Variants in NUDCD3 observed in about 807,000 individuals in gnomAD.
The protein encoded by NUDCD3 is NudC domain containing 3.
NUDCD3 carries 13 observed loss-of-function variants against 39.7 expected under a neutral mutation model. The ratio of observed to expected loss-of-function variants is 0.33; its 90% CI spans 0.21 to 0.52. NUDCD3 has a LOEUF of 0.52. Ranked by LOEUF, NUDCD3 falls within the 20% of genes least tolerant of loss-of-function variation. The pLI is 0.96. For synonymous variants in NUDCD3, 175 were observed against 172.4 expected, an observed-to-expected ratio of 1.02 and a Z score of -0.12; for missense variants, 453 against 458.1, an observed-to-expected ratio of 0.99 and a Z score of 0.10.
chr7:44,455,425 T>A (rs895901216), intron 2 of NUDCD3, among the ~76,000 whole-genome samples: 2 of 151,988 alleles, frequency 1.3e-5, no homozygotes, highest in African/African-American at 4.8e-5. Context: ...TCACTGCACA[T>A]CTCCCAGCTC....
Position 44,392,379 on chromosome 7 carries a change from T to C in NUDCD3, c.893A>G (p.Asp298Gly), listed in dbSNP as rs149687229. The C allele has an allele frequency of 6.2e-4, 1,005 of 1,614,164 alleles. 1 individual carries two copies. The highest frequency in any genetic ancestry group is 7.9e-4 in the Non-Finnish European group (938 of 1,180,016). ...INKERSMATV[D>G]EEEQAVLDRL... is the part of the protein sequence containing the mutation. Reference sequence around the variant, plus strand: ...GTCCAACACCGCCTGTTCCTCCTCATCCACGGTGGCCATGGAGCGCTCCTT... The same window carrying C: ...GTCCAACACCGCCTGTTCCTCCTCACCCACGGTGGCCATGGAGCGCTCCTT... The change falls in exon 5 of 6, where the codon GAT becomes GGT. Residue 298 changes from aspartate (D) to glycine (G), a missense_variant. Physicochemically the swap from Asp to Gly is moderately conservative, Grantham distance 94. Transcript: ENST00000355451.
intron 2 of NUDCD3, among the ~76,000 whole-genome samples, chr7:44,462,977 GTGTGTGTGTGTGTA>G (rs1473383448): frequency 1.1e-4 from 17 of 151,428 alleles, no homozygotes; most frequent in African/African-American, 3.7e-4. Context: ...GTGTGTGTGT[GTGTGTGTGTGTGTA>G]TACACAAAGA....
chr7:44,484,209 C>G lies in NUDCD3; in HGVS notation c.509+759G>C, dbSNP rs572188061. 7.2e-5 allele frequency among the ~76,000 whole-genome samples: 11 copies of G among 152,308 alleles called. No individual in the cohort carries two copies. The East Asian group carries it at 2.1e-3, about 29-fold the overall frequency. On this transcript the variant is annotated intron_variant, in intron 2 of 5. Transcript: ENST00000355451. ...GAGGCTCGTGGCTGTCTTGCAGACA[C>G]TACTACAACTCCCACACAAGAAGGG...
intron 1 of NUDCD3, among the ~76,000 whole-genome samples, chr7:44,487,602 G>A (rs1164395262): frequency 6.6e-6 from 1 of 152,094 alleles, no homozygotes; most frequent in Non-Finnish European, 1.5e-5. Context: ...TAAAACCCTT[G>A]TCAATACTGA....
intron 3 of NUDCD3, among the ~76,000 whole-genome samples, chr7:44,416,276 A>T (rs956855267): frequency 6.6e-6 from 1 of 151,940 alleles, no homozygotes; most frequent in Non-Finnish European, 1.5e-5. Flanking sequence ...TTTTGTAGAG[A>T]TGGGCTTTCA....
At chr7:44,386,980 C>T (rs976053323) in intron 5 of NUDCD3, among the ~76,000 whole-genome samples, 4 of 152,076 alleles carry the variant, frequency 2.6e-5, no homozygotes, top group African/African-American at 9.7e-5. Flanking sequence ...TCCTTCTAAC[C>T]TTCTGACCAC....
intron 3 of NUDCD3, among the ~76,000 whole-genome samples, chr7:44,421,996 G>A (rs767402825): frequency 4.6e-5 from 7 of 152,048 alleles, no homozygotes; most frequent in Non-Finnish European, 7.4e-5. Context: ...ACTCAAAACC[G>A]CACAACTACA....
chr7:44,394,455 TTCCAAGAGGGA>T (rs570762542), intron 4 of NUDCD3, among the ~76,000 whole-genome samples: 144 of 152,280 alleles, frequency 9.5e-4, no homozygotes, highest in Non-Finnish European at 2.0e-3. Flanking sequence ...AATGAAAACC[TTCCAAGAGGGA>T]AATGCATTGT....
chr7:44,444,643 G>A lies in NUDCD3; in HGVS notation c.510-16940C>T, dbSNP rs181701283. On this transcript the variant is annotated intron_variant, in intron 2 of 5. Transcript: ENST00000355451. ...CCCCAACTTTAACGTTAATTAGCACGCACCCACTATCAGTAATGCTGAGTC... is the reference window on the plus strand; with the variant it reads ...CCCCAACTTTAACGTTAATTAGCACACACCCACTATCAGTAATGCTGAGTC... Among the ~76,000 whole-genome samples, 15 of 152,176 alleles carry A rather than the reference G, an allele frequency of 9.9e-5. No homozygotes were observed. In the South Asian group the frequency reaches 2.3e-3, roughly 23 times the overall value.
intron 2 of NUDCD3, among the ~76,000 whole-genome samples, chr7:44,474,336 A>G (rs113945888): frequency 0.041 from 6,249 of 152,310 alleles, 190 homozygotes; most frequent in Non-Finnish European, 0.058. Flanking sequence ...TAACACATCA[A>G]TGCAAATAAA....
rs1799262828 is a variant in NUDCD3 at position 44,427,599 on chromosome 7, A to G, written c.614T>C (p.Val205Ala). Residue 205 changes from valine (V) to alanine (A), a missense_variant, in exon 3 of 6, where the codon GTA becomes GCA. By Grantham distance (64) the Val-to-Ala change is moderately conservative. Transcript: ENST00000355451. ...DYTDLEVRVPVPKHVVKGKQV... is the reference protein window; with the variant it reads ...DYTDLEVRVPAPKHVVKGKQV... ...CTTTCCCTTCACCACGTGCTTGGGT[A>G]CTGGCACCCTGACCTCCAGGTCAGT... The G allele has an allele frequency of 6.2e-7, 1 of 1,613,458 alleles. No individual in the cohort carries two copies. Among genetic ancestry groups the G allele is most frequent in the Non-Finnish European group, 8.5e-7 (1 of 1,179,692 alleles).
chr7:44,439,112 G>A (rs1392490234), intron 2 of NUDCD3, among the ~76,000 whole-genome samples: 1 of 152,192 alleles, frequency 6.6e-6, no homozygotes, highest in Non-Finnish European at 1.5e-5. Flanking sequence ...GCACTGAGCA[G>A]TGAGAGCGGG....
Position 44,386,131 on chromosome 7 carries a change from G to A in NUDCD3, c.976-10C>T. On this transcript the variant is annotated splice_polypyrimidine_tract_variant and intron_variant, in intron 5 of 5. Coordinates refer to ENST00000355451, the MANE Select transcript of NUDCD3 (RefSeq NM_015332.4). ...GCATCTCATGGACTTTCTACAAACA[G>A]AAAATAGAGAGATTAAAGGGGATCA... 1.2e-6 allele frequency: 2 copies of A among 1,613,970 alleles called. No homozygotes were observed. Among genetic ancestry groups the A allele is most frequent in the South Asian group, 2.2e-5 (2 of 91,072 alleles).
chr7:44,485,400 T>C (rs938632329), intron 1 of NUDCD3, 116 bp from the exon 2 acceptor site: 2 of 897,702 alleles, frequency 2.2e-6, no homozygotes, highest in Non-Finnish European at 3.3e-6. Flanking sequence ...AACTGACAAG[T>C]TTTCCCACTG....
chr7:44,422,796 A>G (rs1283967165), intron 3 of NUDCD3, among the ~76,000 whole-genome samples: 1 of 152,212 alleles, frequency 6.6e-6, no homozygotes, highest in Non-Finnish European at 1.5e-5. Context: ...TCATTTTATG[A>G]GGCCAGCATC....
chr7:44,456,025 C>CAAAAAAAA (rs1233592095), intron 2 of NUDCD3, among the ~76,000 whole-genome samples: 290 of 27,920 alleles, frequency 0.01, no homozygotes, highest in East Asian at 0.024. Context: ...GACTCCGTCT[C>CAAAAAAAA]AAAAAAAAAA....
chr7:44,490,076 T>G (rs1800699825), intron 1 of NUDCD3: 1 of 228,308 alleles, frequency 4.4e-6, no homozygotes, highest in Non-Finnish European at 8.6e-6. Flanking sequence ...TCTGTTGCTG[T>G]AAATGTCCTT....
chr7:44,392,327 C>T lies in NUDCD3; in HGVS notation c.945G>A (p.Lys315=). 6.2e-7 allele frequency: 1 copy of T among 1,614,086 alleles called. No individual in the cohort carries two copies. The highest frequency in any genetic ancestry group is 1.1e-5 in the South Asian group (1 of 91,060). The change falls in exon 5 of 6, where the codon AAG becomes AAA. Residue 315 remains lysine, a synonymous_variant. Transcript: ENST00000355451. ...LDRLTFDYHQ[K]LQGKPQSHEL... Reference sequence around the variant, plus strand: ...CATGGCTCTGTGGCTTGCCCTGCAGCTTCTGGTGGTAGTCAAAGGTAAGCC... The same window carrying T: ...CATGGCTCTGTGGCTTGCCCTGCAGTTTCTGGTGGTAGTCAAAGGTAAGCC...
chr7:44,490,167 A>G, intron 1 of NUDCD3: 1 of 462,764 alleles, frequency 2.2e-6, no homozygotes, highest in Non-Finnish European at 3.8e-6. Flanking sequence ...GCGGGTGCTG[A>G]GTAGGGCTCT....
Sources: gnomAD v4.1 joint callset for allele counts (sites outside exome capture counted in the v4.1 genomes callset) on GRCh38, gnomAD v4.1.1 for gene constraint, MANE v1.5 for transcripts, NCBI Gene and HGNC (gene_info 2026-07-23, HGNC 2026-07-21) for gene names.